Variants in DIAPH3 observed in about 807,000 individuals in gnomAD.
DIAPH3 encodes diaphanous related formin 3.
A neutral mutation model predicts 144.3 loss-of-function variants in DIAPH3; 117 were observed. That is an observed-to-expected ratio of 0.81 (90% CI 0.70 to 0.95). The LOEUF is 0.95. Ranked by LOEUF, DIAPH3 falls within the 40% of genes least tolerant of loss-of-function variation. The probability of loss-of-function intolerance (pLI) is 0.00; values close to 1 mark genes in which losing one functional copy is unlikely to be tolerated. For missense variants in DIAPH3, 1,421 were observed against 1,412.7 expected (o/e 1.01, Z -0.09); for synonymous variants, 519 against 488.9 (o/e 1.06, Z -0.81).
intron 17 of DIAPH3, among the ~76,000 whole-genome samples, chr13:59,937,967 A>G (rs369165396): frequency 8.0e-4 from 122 of 152,264 alleles, no homozygotes; most frequent in African/African-American, 2.6e-3. Context: ...ACTTTCTGAT[A>G]CGTAGTTATC....
At chr13:59,960,112 A>G (rs1286325747) in intron 17 of DIAPH3, among the ~76,000 whole-genome samples, 1 of 152,178 alleles carries the variant, frequency 6.6e-6, no homozygotes, top group Non-Finnish European at 1.5e-5. Flanking sequence ...GTTTTTTTCC[A>G]ATCACAGATT....
intron 20 of DIAPH3, among the ~76,000 whole-genome samples, chr13:59,890,632 C>T (rs2045730633): frequency 6.6e-6 from 1 of 151,324 alleles, no homozygotes; most frequent in Non-Finnish European, 1.5e-5. Context: ...TGTCCACATA[C>T]TGCTTCACTT....
chr13:59,904,384 C>G (rs1392811989), intron 20 of DIAPH3, among the ~76,000 whole-genome samples: 1 of 152,092 alleles, frequency 6.6e-6, no homozygotes, highest in African/African-American at 2.4e-5. Context: ...AACTGCTGTA[C>G]TTTAAATATA....
intron 3 of DIAPH3, among the ~76,000 whole-genome samples, chr13:60,094,644 T>C (rs1266793360): frequency 2.0e-5 from 3 of 152,180 alleles, no homozygotes; most frequent in Non-Finnish European, 2.9e-5. Context: ...ATCCATAAAA[T>C]TCAGGACTTT....
At chr13:60,055,227 T>A (rs553816545) in intron 4 of DIAPH3, among the ~76,000 whole-genome samples, 70 of 152,062 alleles carry the variant, frequency 4.6e-4, no homozygotes, top group African/African-American at 1.7e-3. Flanking sequence ...ATTATAGTGA[T>A]CTAATACTAA....
chr13:59,803,735 T>C (rs1439182745), intron 25 of DIAPH3, among the ~76,000 whole-genome samples: 1 of 152,142 alleles, frequency 6.6e-6, no homozygotes, highest in Non-Finnish European at 1.5e-5. Flanking sequence ...GTGCACAAAG[T>C]GGTTGAACTC....
intron 27 of DIAPH3, among the ~76,000 whole-genome samples, chr13:59,704,393 T>C (rs958002820): frequency 2.0e-5 from 3 of 152,208 alleles, no homozygotes; most frequent in Admixed American, 6.5e-5. Context: ...TTTCCACAGC[T>C]CTTGGATGAT....
chr13:59,739,109 C>G (rs1401695096), intron 27 of DIAPH3, among the ~76,000 whole-genome samples: 4 of 152,116 alleles, frequency 2.6e-5, no homozygotes, highest in Non-Finnish European at 4.4e-5. Flanking sequence ...ATCCCTCGTG[C>G]TTAGGTCCAA....
At chr13:59,790,714 G>A (rs1001006086) in intron 25 of DIAPH3, among the ~76,000 whole-genome samples, 1 of 152,084 alleles carries the variant, frequency 6.6e-6, no homozygotes, top group African/African-American at 2.4e-5. Context: ...GAAAATTGGT[G>A]AAGAAAAAGA....
chr13:59,813,445 G>A (rs541294303), intron 24 of DIAPH3, among the ~76,000 whole-genome samples: 55 of 152,112 alleles, frequency 3.6e-4, no homozygotes, highest in African/African-American at 1.3e-3. Context: ...AAAGTAGTAA[G>A]AGGCAGTAAG....
chr13:60,025,411 A>AC (rs2054309471), intron 5 of DIAPH3, among the ~76,000 whole-genome samples: 1 of 151,688 alleles, frequency 6.6e-6, no homozygotes, highest in Non-Finnish European at 1.5e-5. Context: ...TAGCAAAAAA[A>AC]AAAAAAAAAA....
chr13:59,919,439 G>A (rs2047405623), intron 18 of DIAPH3, among the ~76,000 whole-genome samples: 1 of 152,012 alleles, frequency 6.6e-6, no homozygotes, highest in African/African-American at 2.4e-5. Flanking sequence ...TAGCATACAA[G>A]AGAGTTCCAG....
At chr13:59,886,381 A>T (rs1184176966) in intron 20 of DIAPH3, among the ~76,000 whole-genome samples, 2 of 152,110 alleles carry the variant, frequency 1.3e-5, no homozygotes, top group African/African-American at 4.8e-5. Flanking sequence ...TTTTGCCTTG[A>T]TGTTAAATCA....
chr13:59,734,692 C>T (rs992527410), intron 27 of DIAPH3, among the ~76,000 whole-genome samples: 1 of 152,196 alleles, frequency 6.6e-6, no homozygotes, highest in Admixed American at 6.5e-5. Context: ...CGACCCAGTC[C>T]CTGCCTTCTC....
chr13:59,794,541 C>T (rs1406240579), intron 25 of DIAPH3, among the ~76,000 whole-genome samples: 3 of 151,926 alleles, frequency 2.0e-5, no homozygotes, highest in Admixed American at 2.0e-4. Context: ...AAAAATGTAT[C>T]ATTCATTTGA....
intron 17 of DIAPH3, among the ~76,000 whole-genome samples, chr13:59,932,916 G>GA (rs1260392837): frequency 1.3e-4 from 20 of 152,088 alleles, no homozygotes; most frequent in African/African-American, 4.8e-4. Context: ...GATTGATTTG[G>GA]AAAAATCTTT....
intron 5 of DIAPH3, among the ~76,000 whole-genome samples, chr13:60,033,924 T>A (rs2054996137): frequency 6.6e-6 from 1 of 152,228 alleles, no homozygotes. Context: ...ACTTCTTCTA[T>A]TGTCAATGTG....
chr13:59,784,668 C>T (rs769911006), intron 25 of DIAPH3, among the ~76,000 whole-genome samples: 76 of 152,070 alleles, frequency 5.0e-4, no homozygotes, highest in Admixed American at 1.8e-3. Flanking sequence ...TGAGCCACCA[C>T]GCCCAGTGAC....
At chr13:59,946,766 T>C (rs565737416) in intron 17 of DIAPH3, among the ~76,000 whole-genome samples, 1 of 152,070 alleles carries the variant, frequency 6.6e-6, no homozygotes, top group African/African-American at 2.4e-5. Context: ...GGATATGTTA[T>C]TTTTTTTAAC....
Sources: gnomAD v4.1 joint callset for allele counts (sites outside exome capture counted in the v4.1 genomes callset) on GRCh38, gnomAD v4.1.1 for gene constraint, MANE v1.5 for transcripts, NCBI Gene and HGNC (gene_info 2026-07-23, HGNC 2026-07-21) for gene names.